Variants in FAM185A observed in about 807,000 individuals in gnomAD.
FAM185A encodes the protein protein FAM185A.
FAM185A carries 21 observed loss-of-function variants against 45.7 expected under a neutral mutation model. That is an observed-to-expected ratio of 0.46 (90% CI 0.33 to 0.66). FAM185A has a LOEUF of 0.66. Ranked by LOEUF, FAM185A falls within the 30% of genes least tolerant of loss-of-function variation. The pLI, the probability that FAM185A is intolerant of heterozygous loss-of-function variation, is 0.03. For missense variants in FAM185A, 305 were observed against 485.4 expected (o/e 0.63, Z 3.49); for synonymous variants, 117 against 194.0 (o/e 0.60, Z 3.30).
intron 6 of FAM185A, among the ~76,000 whole-genome samples, chr7:102,786,249 C>T (rs1349130260): frequency 6.6e-6 from 1 of 152,194 alleles, no homozygotes; most frequent in Non-Finnish European, 1.5e-5. Flanking sequence ...TAAGCTAATT[C>T]AACCATTGTG....
At chr7:102,837,733 G>A in the FAM185A span, among the ~76,000 whole-genome samples, 1 of 152,124 alleles carries the variant, frequency 6.6e-6, no homozygotes, top group Admixed American at 6.5e-5. Context: ...TATAGAGACA[G>A]GGTCTCACTA....
chr7:102,773,959 C>T (rs1316724638), intron 5 of FAM185A, among the ~76,000 whole-genome samples: 1 of 151,964 alleles, frequency 6.6e-6, no homozygotes, highest in African/African-American at 2.4e-5. Flanking sequence ...AAATTTGTTC[C>T]TTTTAAGGAT....
the FAM185A span, chr7:102,816,391 A>G: frequency 6.6e-6 from 1 of 152,250 alleles, no homozygotes; most frequent in African/African-American, 2.4e-5. Context: ...TTAGAGAGCT[A>G]TGGATACTAG....
chr7:102,790,395 T>C (rs1478649318), intron 7 of FAM185A, among the ~76,000 whole-genome samples: 1 of 152,206 alleles, frequency 6.6e-6, no homozygotes. Flanking sequence ...AACATAATTA[T>C]GCAGTGTGTG....
intron 2 of FAM185A, among the ~76,000 whole-genome samples, chr7:102,753,741 C>CA (rs551321147): frequency 0.26 from 37,803 of 144,974 alleles, 4,852 homozygotes; most frequent in East Asian, 0.44. Flanking sequence ...GATGAATTAG[C>CA]AAAAAAAAAA....
intron 3 of FAM185A, among the ~76,000 whole-genome samples, chr7:102,758,459 T>TTTTTTTTTTTTA (rs1554364935): frequency 9.3e-6 from 1 of 107,448 alleles, no homozygotes. Context: ...TTTTTTTTTT[T>TTTTTTTTTTTTA]ATAGTAGCTA....
intron 7 of FAM185A, among the ~76,000 whole-genome samples, chr7:102,790,082 T>A (rs1796056079): frequency 7.0e-6 from 1 of 143,358 alleles, no homozygotes; most frequent in Non-Finnish European, 1.5e-5. Flanking sequence ...ATCGTAACTA[T>A]TTTTTTTTTT....
At chr7:102,818,472 A>G in the FAM185A span, among the ~76,000 whole-genome samples, 2 of 152,252 alleles carry the variant, frequency 1.3e-5, no homozygotes, top group East Asian at 3.8e-4. Flanking sequence ...ATTGTTAAAT[A>G]ACATTATTTG....
chr7:102,846,300 C>T, the FAM185A span, among the ~76,000 whole-genome samples: 1 of 152,146 alleles, frequency 6.6e-6, no homozygotes, highest in Non-Finnish European at 1.5e-5. Flanking sequence ...AATCACTGAG[C>T]AAGATGGTCA....
chr7:102,749,037 G>A lies in FAM185A; in HGVS notation c.-171G>A. 9.7e-7 allele frequency: 1 copy of A among 1,034,846 alleles called. No homozygotes were observed. The highest frequency in any genetic ancestry group is 1.5e-6 in the Non-Finnish European group (1 of 684,272). The allele number at this position is 1,034,846 out of a possible 1,614,324, so 64.1% of individuals were successfully genotyped here. On this transcript the variant is annotated 5_prime_UTR_variant, in exon 1 of 8. Coordinates refer to ENST00000413034, the MANE Select transcript of FAM185A (RefSeq NM_001145268.2). ...CCCAACTTGCCCCTGGGGATTGCGC[G>A]GCTGATGTTTAGAACGCCTAGTCAA...
chr7:102,783,911 G>T (rs905762546), intron 6 of FAM185A, among the ~76,000 whole-genome samples: 1 of 152,118 alleles, frequency 6.6e-6, no homozygotes, highest in Admixed American at 6.5e-5. Flanking sequence ...TTTTTGAAAA[G>T]ATCAACAAAA....
the FAM185A span, chr7:102,834,458 T>TAC: frequency 2.0e-5 from 1 of 50,088 alleles, no homozygotes; most frequent in East Asian, 7.0e-4. Flanking sequence ...TATGTGATTA[T>TAC]ATATATATAT....
intron 6 of FAM185A, among the ~76,000 whole-genome samples, chr7:102,785,931 T>G (rs1324085136): frequency 6.6e-6 from 1 of 152,130 alleles, no homozygotes; most frequent in African/African-American, 2.4e-5. Flanking sequence ...AATCTACTCT[T>G]CTGACAAAGG....
At chr7:102,845,376 A>G in the FAM185A span, among the ~76,000 whole-genome samples, 1 of 152,208 alleles carries the variant, frequency 6.6e-6, no homozygotes, top group Non-Finnish European at 1.5e-5. Flanking sequence ...AGAAAGTTAC[A>G]AGCCCTTTAA....
At chr7:102,782,654 T>C (rs1438770073) in intron 6 of FAM185A, among the ~76,000 whole-genome samples, 1 of 152,114 alleles carries the variant, frequency 6.6e-6, no homozygotes, top group East Asian at 1.9e-4. Flanking sequence ...AAGGAAGCAC[T>C]AAACATGGAA....
intron 4 of FAM185A, among the ~76,000 whole-genome samples, chr7:102,768,871 AT>A (rs1326325325): frequency 6.6e-6 from 1 of 152,116 alleles, no homozygotes; most frequent in Non-Finnish European, 1.5e-5. Flanking sequence ...TTTTACTAAG[AT>A]TTACTCCTCT....
At chr7:102,797,686 G>A (rs1188038774) in intron 7 of FAM185A, among the ~76,000 whole-genome samples, 1 of 152,090 alleles carries the variant, frequency 6.6e-6, no homozygotes, top group East Asian at 1.9e-4. Context: ...CACATCTTTT[G>A]AACCTCCCTA....
the FAM185A span, among the ~76,000 whole-genome samples, chr7:102,850,012 GA>G: frequency 8.6e-5 from 12 of 140,202 alleles, no homozygotes; most frequent in Non-Finnish European, 1.4e-4. Flanking sequence ...TGTTTTTTTA[GA>G]AAAAAAAAAG....
At chr7:102,818,690 G>A in the FAM185A span, among the ~76,000 whole-genome samples, 3 of 152,188 alleles carry the variant, frequency 2.0e-5, no homozygotes, top group African/African-American at 7.2e-5. Context: ...TTGGGGCTCT[G>A]AAGGCCACTA....
Sources: allele counts gnomAD v4.1 joint callset (sites outside exome capture counted in the v4.1 genomes callset), GRCh38; gene constraint gnomAD v4.1.1; transcripts MANE v1.5; gene names NCBI Gene and HGNC (gene_info 2026-07-23, HGNC 2026-07-21).